The following PTPRD variants were observed in gnomAD, a reference collection of about 807,000 sequenced individuals.
PTPRD encodes receptor-type tyrosine-protein phosphatase delta.
PTPRD carries 34 observed loss-of-function variants against 214.5 expected under a neutral mutation model. The ratio of observed to expected loss-of-function variants is 0.16; its 90% CI spans 0.12 to 0.21. The LOEUF is 0.21. Ranked by LOEUF, PTPRD falls within the 10% of genes least tolerant of loss-of-function variation. The pLI is 1.00. For missense variants in PTPRD, 2,545 were observed against 2,398.7 expected (o/e 1.06, Z -1.27); for synonymous variants, 1,128 against 845.7 (o/e 1.33, Z -5.79).
chr9:9,618,266 C>A (rs929034256), intron 7 of PTPRD, among the ~76,000 whole-genome samples: 24 of 151,560 alleles, frequency 1.6e-4, no homozygotes, highest in Admixed American at 2.6e-4. Context: ...TTATACTAAC[C>A]CTTCCGGGAA....
intron 11 of PTPRD, among the ~76,000 whole-genome samples, chr9:8,866,806 C>G (rs2098204959): frequency 6.6e-6 from 1 of 152,002 alleles, no homozygotes; most frequent in South Asian, 2.1e-4. Context: ...ATTCCTCTAC[C>G]ACATATGAAT....
intron 8 of PTPRD, among the ~76,000 whole-genome samples, chr9:9,553,493 T>C (rs668550): frequency 0.1 from 15,879 of 151,956 alleles, 991 homozygotes; most frequent in East Asian, 0.15. Flanking sequence ...GCCCAAACTC[T>C]ATAAGTAGAA....
chr9:9,208,020 C>CTTTTTTTTCTTTTTTTTTTTTTTTTTTT (rs2099946014), intron 9 of PTPRD, among the ~76,000 whole-genome samples: 1 of 53,260 alleles, frequency 1.9e-5, no homozygotes, highest in Non-Finnish European at 3.8e-5. Context: ...TATATATCTG[C>CTTTTTTTTCTTTTTTTTTTTTTTTTTTT]TTTTTTTTTT....
At chr9:9,724,909 T>G (rs2098050606) in intron 7 of PTPRD, among the ~76,000 whole-genome samples, 1 of 152,096 alleles carries the variant, frequency 6.6e-6, no homozygotes, top group Non-Finnish European at 1.5e-5. Flanking sequence ...TACAGTACAA[T>G]GAAGATCAAT....
At chr9:10,488,770 A>G (rs1191902234) in intron 2 of PTPRD, among the ~76,000 whole-genome samples, 2 of 152,052 alleles carry the variant, frequency 1.3e-5, no homozygotes, top group Non-Finnish European at 2.9e-5. Flanking sequence ...CTGCCAGACC[A>G]TCATCAATGT....
chr9:8,962,441 T>C (rs992677190), intron 11 of PTPRD, among the ~76,000 whole-genome samples: 1 of 151,968 alleles, frequency 6.6e-6, no homozygotes, highest in African/African-American at 2.4e-5. Context: ...GGGAAGATGG[T>C]ACTTTGGATG....
chr9:9,447,188 T>A (rs1569568410), intron 8 of PTPRD, among the ~76,000 whole-genome samples: 1 of 152,158 alleles, frequency 6.6e-6, no homozygotes, highest in Non-Finnish European at 1.5e-5. Context: ...GGAATATTAA[T>A]CATTCTATCA....
chr9:10,091,497 T>G (rs544550678), intron 3 of PTPRD, among the ~76,000 whole-genome samples: 4 of 151,580 alleles, frequency 2.6e-5, no homozygotes, highest in Non-Finnish European at 5.9e-5. Context: ...AGATTATAAA[T>G]ACTACTTCCT....
At chr9:9,229,249 AAGCAG>A (rs2099961543) in intron 9 of PTPRD, among the ~76,000 whole-genome samples, 1 of 152,136 alleles carries the variant, frequency 6.6e-6, no homozygotes, top group African/African-American at 2.4e-5. Context: ...ACATTGGAAA[AAGCAG>A]AGTAATAGTC....
At chr9:10,423,397 A>T (rs2098570293) in intron 2 of PTPRD, among the ~76,000 whole-genome samples, 1 of 152,056 alleles carries the variant, frequency 6.6e-6, no homozygotes, top group Non-Finnish European at 1.5e-5. Context: ...TGGCACATGT[A>T]TACATATGTA....
chr9:8,507,207 G>A, intron 22 of PTPRD, 94 bp downstream of exon 22: 2 of 1,403,126 alleles, frequency 1.4e-6, no homozygotes, highest in South Asian at 1.5e-5. Context: ...GTCCTCAATA[G>A]CTCTCTGACC....
chr9:10,424,699 C>G (rs759486872), intron 2 of PTPRD, among the ~76,000 whole-genome samples: 4 of 151,892 alleles, frequency 2.6e-5, no homozygotes, highest in Non-Finnish European at 4.4e-5. Context: ...GTTTCTAATG[C>G]TCATAAATGG....
chr9:10,288,738 G>A (rs2095438729), intron 3 of PTPRD, among the ~76,000 whole-genome samples: 1 of 152,096 alleles, frequency 6.6e-6, no homozygotes, highest in Non-Finnish European at 1.5e-5. Context: ...CTTTATCTCT[G>A]CCTCATTTAC....
chr9:10,100,585 TAGG>T (rs1332392946), intron 3 of PTPRD, among the ~76,000 whole-genome samples: 1 of 151,744 alleles, frequency 6.6e-6, no homozygotes, highest in African/African-American at 2.4e-5. Context: ...GAGAATTTCA[TAGG>T]AGTTTTATTA....
intron 11 of PTPRD, among the ~76,000 whole-genome samples, chr9:8,855,378 G>A (rs1265903207): frequency 6.6e-6 from 1 of 151,936 alleles, no homozygotes; most frequent in East Asian, 1.9e-4. Flanking sequence ...CTACTCTAAC[G>A]CACATATATT....
rs1445888945 is a variant in PTPRD, at chr9:8,757,620, G to A, written c.-103-23674C>T. On this transcript the variant is annotated intron_variant, in intron 11 of 45. Transcript: ENST00000381196. Reference sequence around the variant, plus strand: ...AGAATTCTGCATATATATAAATTCTGCATATATATATATATATATATACAT... The same window carrying A: ...AGAATTCTGCATATATATAAATTCTACATATATATATATATATATATACAT... Among the ~76,000 whole-genome samples, 5 of 134,658 alleles carry A rather than the reference G, an allele frequency of 3.7e-5. No homozygotes were observed. In the South Asian group the frequency reaches 7.0e-4, roughly 19 times the overall value. The allele number at this position is 134,658 out of a possible 152,430, so 88.3% of individuals were successfully genotyped here. A position where few individuals can be genotyped will look rare whatever the true frequency, so the allele number is the denominator to read the frequency against.
chr9:8,962,779 TC>T (rs1360345527), intron 11 of PTPRD: 1 of 152,130 alleles, frequency 6.6e-6, no homozygotes, highest in Non-Finnish European at 1.5e-5. Context: ...AACTGGTTAA[TC>T]TACATGTATT....
chr9:10,378,637 C>A (rs1328052892), intron 2 of PTPRD, among the ~76,000 whole-genome samples: 1 of 151,774 alleles, frequency 6.6e-6, no homozygotes, highest in Non-Finnish European at 1.5e-5. Context: ...GGTATATGGA[C>A]TTGTTTCTGG....
At chr9:10,316,843 A>C (rs1170545541) in intron 3 of PTPRD, among the ~76,000 whole-genome samples, 2 of 152,112 alleles carry the variant, frequency 1.3e-5, no homozygotes, top group African/African-American at 4.8e-5. Flanking sequence ...CAACAACAGC[A>C]AAGTAATTTC....
Sources: allele counts gnomAD v4.1 joint callset (sites outside exome capture counted in the v4.1 genomes callset), GRCh38; gene constraint gnomAD v4.1.1; transcripts MANE v1.5; gene names NCBI Gene and HGNC (gene_info 2026-07-23, HGNC 2026-07-21).